The following LUZP2 variants were observed in gnomAD, a reference collection of about 807,000 sequenced individuals.
LUZP2 encodes the protein leucine zipper protein 2.
LUZP2 carries 52 observed loss-of-function variants against 51.6 expected under a neutral mutation model. That is an observed-to-expected ratio of 1.01 (90% confidence interval 0.81 to 1.27). The LOEUF (loss-of-function observed/expected upper bound fraction) is 1.27, where lower values mean the gene tolerates loss of function less well. Ranked by LOEUF, LUZP2 falls within the 50% of genes most tolerant of loss-of-function variation. The pLI is 0.00. For missense variants in LUZP2, 436 were observed against 395.4 expected, an observed-to-expected ratio of 1.10 and a Z score of -0.87; for synonymous variants, 154 against 137.3, an observed-to-expected ratio of 1.12 and a Z score of -0.85.
intron 4 of LUZP2, among the ~76,000 whole-genome samples, chr11:24,747,779 G>A (rs955834347): frequency 1.3e-5 from 2 of 152,012 alleles, no homozygotes; most frequent in Admixed American, 1.3e-4. Context: ...CTGGAGTTGT[G>A]TACCTAGGAG....
At chr11:24,861,646 C>T (rs923491195) in intron 5 of LUZP2, among the ~76,000 whole-genome samples, 1 of 151,800 alleles carries the variant, frequency 6.6e-6, no homozygotes, top group Non-Finnish European at 1.5e-5. Flanking sequence ...GGACTGCCCG[C>T]CACTAGTGGC....
intron 7 of LUZP2, among the ~76,000 whole-genome samples, chr11:24,937,251 C>T (rs1475991826): frequency 6.6e-6 from 1 of 152,044 alleles, no homozygotes; most frequent in Non-Finnish European, 1.5e-5. Flanking sequence ...TTCCTTCTTG[C>T]TTAGTAGATG....
chr11:24,656,358 A>G (rs947817849), intron 1 of LUZP2, among the ~76,000 whole-genome samples: 8 of 152,364 alleles, frequency 5.3e-5, no homozygotes, highest in African/African-American at 1.9e-4. Context: ...TGAGGAATAA[A>G]TGAGTTGGTA....
chr11:24,983,389 G>A, intron 9 of LUZP2, 96 bp downstream of exon 9: 2 of 1,224,298 alleles, frequency 1.6e-6, no homozygotes, highest in Non-Finnish European at 2.3e-6. Flanking sequence ...ATTCAAGTAT[G>A]ATAACAAATC....
Position 25,079,950 on chromosome 11 carries a change from G to T in LUZP2, c.*1292G>T, listed in dbSNP as rs898354627. The T allele has an allele frequency of 1.3e-5, 2 of 152,124 alleles. No homozygotes were observed. The highest frequency in any genetic ancestry group is 2.9e-5 in the Non-Finnish European group (2 of 68,014). 9.4% of individuals were successfully genotyped at this position (152,124 alleles called of 1,614,324 possible). A position where few individuals can be genotyped will look rare whatever the true frequency, so the allele number is the denominator to read the frequency against. On this transcript the variant is annotated 3_prime_UTR_variant, in exon 12 of 12. Coordinates refer to ENST00000336930, the MANE Select transcript of LUZP2 (RefSeq NM_001009909.4). ...AATCTTTAATCAATAAATGAACTTA[G>T]ATTCTGAGATTTAATGGCATACCTC...
rs190027889 is a variant in LUZP2, at chr11:24,963,243, C to T, written c.523-13348C>T. On this transcript the variant is annotated intron_variant, in intron 7 of 11. Transcript: ENST00000336930. ...GGACCCACTTGAGGAGGCAGTCTGC[C>T]GGTTCTCAGATCTCCAGCTGCGTGC... 1.5e-3 allele frequency among the ~76,000 whole-genome samples: 231 copies of T among 152,288 alleles called. 4 individuals are homozygous for T. Among genetic ancestry groups the T allele is most frequent in the Non-Finnish European group, 8.5e-4 (58 of 68,022 alleles).
At chr11:24,657,692 C>T (rs925034292) in intron 1 of LUZP2, among the ~76,000 whole-genome samples, 6 of 152,080 alleles carry the variant, frequency 3.9e-5, no homozygotes, top group African/African-American at 1.4e-4. Context: ...TCGTCTCAGC[C>T]CAAAATCTCC....
At chr11:24,714,170 A>G (rs898850804) in intron 1 of LUZP2, among the ~76,000 whole-genome samples, 5 of 152,234 alleles carry the variant, frequency 3.3e-5, no homozygotes, top group African/African-American at 1.2e-4. Context: ...GAGGGAGAGC[A>G]TTAGGACAAA....
chr11:24,725,500 A>G (rs1173811696), intron 1 of LUZP2, among the ~76,000 whole-genome samples: 1 of 152,140 alleles, frequency 6.6e-6, no homozygotes, highest in Non-Finnish European at 1.5e-5. Context: ...ATAAATGTAC[A>G]TAAACTTTTA....
chr11:24,861,952 C>T (rs2134246838), intron 5 of LUZP2, among the ~76,000 whole-genome samples: 1 of 152,266 alleles, frequency 6.6e-6, no homozygotes, highest in Admixed American at 6.5e-5. Flanking sequence ...GTATCTACTC[C>T]TTGCCCTCTG....
chr11:24,878,464 T>C (rs1852348247), intron 5 of LUZP2, among the ~76,000 whole-genome samples: 1 of 152,094 alleles, frequency 6.6e-6, no homozygotes, highest in African/African-American at 2.4e-5. Context: ...CTTGCTGCTT[T>C]TAGGATCCTT....
chr11:24,784,812 T>C (rs1849193968), intron 5 of LUZP2, among the ~76,000 whole-genome samples: 1 of 152,086 alleles, frequency 6.6e-6, no homozygotes. Context: ...TGTATTATTA[T>C]TGATGGGAAC....
intron 1 of LUZP2, among the ~76,000 whole-genome samples, chr11:24,587,479 C>A (rs559088798): frequency 1.6e-4 from 24 of 152,140 alleles, no homozygotes; most frequent in African/African-American, 4.8e-4. Flanking sequence ...TTCTTCTTAG[C>A]TTTCTGATTT....
At chr11:24,975,171 C>G (rs987456046) in intron 7 of LUZP2, among the ~76,000 whole-genome samples, 1 of 151,956 alleles carries the variant, frequency 6.6e-6, no homozygotes, top group Non-Finnish European at 1.5e-5. Flanking sequence ...TATATTCTGT[C>G]TCTTTTTAAA....
At chr11:24,604,590 G>A (rs747913131) in intron 1 of LUZP2, among the ~76,000 whole-genome samples, 7 of 151,828 alleles carry the variant, frequency 4.6e-5, no homozygotes, top group Non-Finnish European at 7.4e-5. Context: ...TAAAAGCATA[G>A]GGACAGCAGT....
At chr11:25,052,024 C>G (rs981836518) in intron 10 of LUZP2, among the ~76,000 whole-genome samples, 1 of 152,120 alleles carries the variant, frequency 6.6e-6, no homozygotes, top group Non-Finnish European at 1.5e-5. Context: ...TTTCTGGTCT[C>G]AGTCTGGACC....
At chr11:24,862,900 A>T (rs546804028) in intron 5 of LUZP2, among the ~76,000 whole-genome samples, 47 of 152,336 alleles carry the variant, frequency 3.1e-4, no homozygotes, top group Admixed American at 7.8e-4. Flanking sequence ...ATAAATAAAG[A>T]TTTCTTCAAA....
Position 25,050,020 on chromosome 11 carries a change from C to T in LUZP2, c.766-18C>T. On this transcript the variant is annotated intron_variant, in intron 9 of 11. Coordinates refer to ENST00000336930, the MANE Select transcript of LUZP2 (RefSeq NM_001009909.4). Reference sequence around the variant, plus strand: ...TTTAGTGATTTCTTTCTTTCTATCTCTCTTCGTCTCTTTTAAGCCTCAACA... The same window carrying T: ...TTTAGTGATTTCTTTCTTTCTATCTTTCTTCGTCTCTTTTAAGCCTCAACA... 6.7e-7 allele frequency: 1 copy of T among 1,491,066 alleles called. No individual in the cohort carries two copies. The highest frequency in any genetic ancestry group is 9.1e-7 in the Non-Finnish European group (1 of 1,096,450). The allele number at this position is 1,491,066 out of a possible 1,614,324, so 92.4% of individuals were successfully genotyped here. A position where few individuals can be genotyped will look rare whatever the true frequency, so the allele number is the denominator to read the frequency against.
At chr11:24,857,314 C>T (rs5011177) in intron 5 of LUZP2, among the ~76,000 whole-genome samples, 7 of 10,062 alleles carry the variant, frequency 7.0e-4, no homozygotes, top group Non-Finnish European at 1.3e-3. Context: ...CATATATATA[C>T]ACACACACAC....
Sources: gnomAD v4.1 joint callset for allele counts (sites outside exome capture counted in the v4.1 genomes callset) on GRCh38, gnomAD v4.1.1 for gene constraint, MANE v1.5 for transcripts, NCBI Gene and HGNC (gene_info 2026-07-23, HGNC 2026-07-21) for gene names.